Variants in RARB observed in about 807,000 individuals in gnomAD.
RARB encodes the protein retinoic acid receptor beta.
In RARB, 17 loss-of-function variants were observed where a neutral mutation model predicts 51.9. The observed-to-expected ratio is 0.33, with a 90% CI of 0.22 to 0.49. The LOEUF (loss-of-function observed/expected upper bound fraction) is 0.49. RARB is among the 20% of genes least tolerant of loss of function. The probability of loss-of-function intolerance (pLI) is 0.99; values close to 1 mark genes in which losing one functional copy is unlikely to be tolerated. For missense variants in RARB, 369 were observed against 550.8 expected (o/e 0.67, Z 3.30); for synonymous variants, 215 against 195.4 (o/e 1.10, Z -0.84).
chr3:25,179,718 A>G (rs1357817248), intron 5 of RARB, among the ~76,000 whole-genome samples: 1 of 152,178 alleles, frequency 6.6e-6, no homozygotes, highest in Non-Finnish European at 1.5e-5. Context: ...GGACTTTCTT[A>G]GGCCCAGAGT....
chr3:25,131,491 T>G (rs1263324681), intron 3 of RARB, among the ~76,000 whole-genome samples: 4 of 152,068 alleles, frequency 2.6e-5, no homozygotes, highest in Admixed American at 2.6e-4. Flanking sequence ...ATTTTTATCA[T>G]GGCAGTGTTT....
intron 1 of RARB, among the ~76,000 whole-genome samples, chr3:24,851,367 G>T (rs1045194756): frequency 6.6e-6 from 1 of 151,622 alleles, no homozygotes; most frequent in Non-Finnish European, 1.5e-5. Flanking sequence ...AGTCAAGGCT[G>T]CAGTGAGCTG....
intron 2 of RARB, among the ~76,000 whole-genome samples, chr3:24,892,248 G>A (rs1390721594): frequency 6.6e-6 from 1 of 151,078 alleles, no homozygotes; most frequent in African/African-American, 2.4e-5. Flanking sequence ...GATGTAGGTG[G>A]CATTCCCTCT....
chr3:25,242,578 CT>C (rs573270096), intron 5 of RARB, among the ~76,000 whole-genome samples: 2 of 151,888 alleles, frequency 1.3e-5, no homozygotes, highest in East Asian at 3.9e-4. Context: ...TTTCCCATTG[CT>C]TTTTTTTCTG....
chr3:24,934,608 C>T (rs1236051167), intron 2 of RARB, among the ~76,000 whole-genome samples: 1 of 152,024 alleles, frequency 6.6e-6, no homozygotes, highest in Admixed American at 6.6e-5. Flanking sequence ...TTTCACACTG[C>T]TTATACTGTA....
intron 3 of RARB, among the ~76,000 whole-genome samples, chr3:25,074,726 G>A (rs1242880616): frequency 6.6e-6 from 1 of 152,096 alleles, no homozygotes; most frequent in African/African-American, 2.4e-5. Context: ...GTACCACTGA[G>A]AAATGGAGAT....
At chr3:25,373,268 G>A (rs1363394906) in intron 5 of RARB, among the ~76,000 whole-genome samples, 1 of 152,084 alleles carries the variant, frequency 6.6e-6, no homozygotes, top group African/African-American at 2.4e-5. Flanking sequence ...ATTTCTGAGA[G>A]AGAAAGAAAG....
At chr3:25,113,253 T>C (rs1699632566) in intron 3 of RARB, among the ~76,000 whole-genome samples, 1 of 152,196 alleles carries the variant, frequency 6.6e-6, no homozygotes. Flanking sequence ...TCTTCAGGAA[T>C]TCTTGGACTT....
intron 3 of RARB, among the ~76,000 whole-genome samples, chr3:25,557,216 G>A (rs1700100005): frequency 6.6e-6 from 1 of 151,190 alleles, no homozygotes; most frequent in South Asian, 2.1e-4. Flanking sequence ...TTCCTCTATA[G>A]GTTATGTCTA....
At chr3:25,356,611 C>T (rs1470111763) in intron 5 of RARB, among the ~76,000 whole-genome samples, 1 of 151,924 alleles carries the variant, frequency 6.6e-6, no homozygotes, top group African/African-American at 2.4e-5. Context: ...GTTTGCTGCA[C>T]CCATCAACCC....
chr3:25,564,361 C>G (rs1374031484), intron 3 of RARB, among the ~76,000 whole-genome samples: 4 of 152,176 alleles, frequency 2.6e-5, no homozygotes, highest in Non-Finnish European at 1.5e-5. Flanking sequence ...ACCTTTCATC[C>G]AAGAAGCGCT....
At chr3:25,564,957 C>T (rs182035585) in intron 3 of RARB, among the ~76,000 whole-genome samples, 3 of 152,290 alleles carry the variant, frequency 2.0e-5, no homozygotes, top group East Asian at 1.9e-4. Context: ...GCACACCCCA[C>T]GCTCCCAGAG....
chr3:25,403,528 C>T (rs73141611), intron 5 of RARB, among the ~76,000 whole-genome samples: 22,438 of 152,166 alleles, frequency 0.15, 2,114 homozygotes, highest in African/African-American at 0.27. Flanking sequence ...AGTGTTAAAT[C>T]TGACCTCAAC....
intron 4 of RARB, among the ~76,000 whole-genome samples, chr3:25,158,791 G>A (rs76046477): frequency 0.011 from 1,641 of 152,286 alleles, 27 homozygotes; most frequent in African/African-American, 0.033. Flanking sequence ...TAGGAAGGCT[G>A]TGCTCCATAC....
intron 5 of RARB, among the ~76,000 whole-genome samples, chr3:25,188,870 A>T (rs1178882885): frequency 6.6e-6 from 1 of 152,182 alleles, no homozygotes; most frequent in Admixed American, 6.5e-5. Context: ...ACTTTTTAAA[A>T]TTGTAAATGA....
At chr3:25,404,253 C>T (rs748456405) in intron 5 of RARB, among the ~76,000 whole-genome samples, 3 of 152,144 alleles carry the variant, frequency 2.0e-5, no homozygotes, top group Non-Finnish European at 4.4e-5. Flanking sequence ...AAAGCCCTGA[C>T]GGTTTCCTTC....
intron 5 of RARB, among the ~76,000 whole-genome samples, chr3:25,210,645 C>T (rs548675349): frequency 5.5e-4 from 80 of 146,590 alleles, no homozygotes; most frequent in Non-Finnish European, 1.0e-3. Flanking sequence ...AAGAAATTCT[C>T]GTGCCTCAGT....
chr3:25,398,517 C>G (rs1707178167), intron 5 of RARB, among the ~76,000 whole-genome samples: 1 of 152,176 alleles, frequency 6.6e-6, no homozygotes, highest in African/African-American at 2.4e-5. Context: ...TGGCATATAT[C>G]TTAGAAAACA....
chr3:25,491,169 A>G (rs1575454487), intron 2 of RARB, among the ~76,000 whole-genome samples: 1 of 152,104 alleles, frequency 6.6e-6, no homozygotes, highest in East Asian at 1.9e-4. Flanking sequence ...GAACTTTAAG[A>G]TATCCTCTTG....
Sources: gnomAD v4.1 joint callset for allele counts (sites outside exome capture counted in the v4.1 genomes callset) on GRCh38, gnomAD v4.1.1 for gene constraint, MANE v1.5 for transcripts, NCBI Gene and HGNC (gene_info 2026-07-23, HGNC 2026-07-21) for gene names.